Variants in KRT23 observed in about 807,000 individuals in gnomAD.
The protein encoded by KRT23 is keratin 23.
A neutral mutation model predicts 47.6 loss-of-function variants in KRT23; 38 were observed. That is an observed-to-expected ratio of 0.80 (90% CI 0.62 to 1.05). KRT23 has a LOEUF of 1.05. Ranked by LOEUF, KRT23 falls within the 50% of genes least tolerant of loss-of-function variation. The pLI is 0.00. For missense variants in KRT23, 503 were observed against 529.5 expected, an observed-to-expected ratio of 0.95 and a Z score of 0.49; for synonymous variants, 191 against 199.0, an observed-to-expected ratio of 0.96 and a Z score of 0.34.
At chr17:40,934,133 G>T (rs1216353097) in intron 2 of KRT23, among the ~76,000 whole-genome samples, 1 of 152,134 alleles carries the variant, frequency 6.6e-6, no homozygotes, top group East Asian at 1.9e-4. Flanking sequence ...TAAAGTGAGG[G>T]TACGGGAGAA....
At chr17:40,932,354 C>T (rs1219856832) in intron 2 of KRT23, among the ~76,000 whole-genome samples, 1 of 152,100 alleles carries the variant, frequency 6.6e-6, no homozygotes, top group Admixed American at 6.5e-5. Context: ...GATTTGTAAA[C>T]ACTTGTAGGT....
intron 4 of KRT23, among the ~76,000 whole-genome samples, chr17:40,929,310 G>A (rs1909475723): frequency 6.6e-6 from 1 of 152,214 alleles, no homozygotes; most frequent in Non-Finnish European, 1.5e-5. Flanking sequence ...TGACACTGTA[G>A]GGCTGACGCC....
chr17:40,930,171 A>C, intron 3 of KRT23, 75 bp from the exon 4 acceptor site: 1 of 1,380,368 alleles, frequency 7.2e-7, no homozygotes, highest in Non-Finnish European at 1.0e-6. Flanking sequence ...ATTTTCATTT[A>C]GAGGTGAATC....
intron 7 of KRT23, chr17:40,925,069 G>A (rs1299180028): frequency 2.5e-6 from 1 of 405,892 alleles, no homozygotes; most frequent in Admixed American, 4.1e-5. Flanking sequence ...CCAAAATTGT[G>A]TGCATTCCTA....
chr17:40,934,945 T>C (rs960486338), intron 2 of KRT23, among the ~76,000 whole-genome samples: 2 of 152,340 alleles, frequency 1.3e-5, no homozygotes, highest in Middle Eastern at 3.4e-3. Flanking sequence ...TTTTTAAATC[T>C]CTTCCGCGAG....
chr17:40,923,915 T>G (rs1026099652), intron 8 of KRT23, among the ~76,000 whole-genome samples: 1 of 152,250 alleles, frequency 6.6e-6, no homozygotes. Flanking sequence ...TGTTTCCAGG[T>G]CAAAGATGTT....
chr17:40,929,654 T>A, intron 4 of KRT23: 1 of 341,140 alleles, frequency 2.9e-6, no homozygotes, highest in Non-Finnish European at 5.3e-6. Flanking sequence ...CATTGATTCT[T>A]ATAGTAACAT....
At chr17:40,929,050 A>AAC (rs1909448523) in intron 4 of KRT23, among the ~76,000 whole-genome samples, 1 of 149,250 alleles carries the variant, frequency 6.7e-6, no homozygotes, top group South Asian at 2.1e-4. Flanking sequence ...AAAAAAAAAA[A>AAC]GAATATCATA....
chr17:40,928,564 A>G lies in KRT23; in HGVS notation c.680T>C (p.Val227Ala). The G allele has an allele frequency of 6.2e-7, 1 of 1,613,904 alleles. No individual in the cohort carries two copies. Among genetic ancestry groups the G allele is most frequent in the South Asian group, 1.1e-5 (1 of 91,072 alleles). The change falls in exon 5 of 9, where the codon GTG becomes GCG. Residue 227 changes from valine (V) to alanine (A), a missense_variant. Transcript: ENST00000209718. ...HHVPSDFNVN[V>A]KVDTGPREDL... ...TTCCCTGGGACCTGTATCCACCTTCACATTGACATTGAAGTCACTTGGCAC... is the reference window on the plus strand; with the variant it reads ...TTCCCTGGGACCTGTATCCACCTTCGCATTGACATTGAAGTCACTTGGCAC...
chr17:40,922,796 A>G lies in KRT23; in HGVS notation c.*193T>C, dbSNP rs1347541213. On this transcript the variant is annotated 3_prime_UTR_variant, in exon 9 of 9. Coordinates refer to ENST00000209718, the MANE Select transcript of KRT23 (RefSeq NM_015515.5). ...TAGAGCTTTACCCTCATAAACTCGC[A>G]CTTTGATTAGAAAAGTGCAATATAT... is the stretch of plus-strand genomic sequence containing the variant. 2.0e-6 allele frequency: 1 copy of G among 494,340 alleles called. No individual in the cohort carries two copies. The highest frequency in any genetic ancestry group is 3.4e-5 in the East Asian group (1 of 29,220). The allele number at this position is 494,340 out of a possible 1,614,324, so 30.6% of individuals were successfully genotyped here.
Position 40,923,106 on chromosome 17 carries a change from T to C in KRT23, c.1175-23A>G, listed in dbSNP as rs768393479. ...ACACTGAGAAAAAGAGCATGGAAGA[T>C]GTCACTGCCATGCTTCTTCCACCAT... On this transcript the variant is annotated intron_variant, in intron 8 of 8. Transcript: ENST00000209718. 10 of 1,506,282 alleles carry C rather than the reference T, an allele frequency of 6.6e-6. No homozygotes were observed. The Admixed American group carries it at 1.7e-4, about 25-fold the overall frequency. The allele number at this position is 1,506,282 out of a possible 1,614,324, so 93.3% of individuals were successfully genotyped here. A position where few individuals can be genotyped will look rare whatever the true frequency, so the allele number is the denominator to read the frequency against.
Position 40,934,979 on chromosome 17 carries a change from T to C in KRT23, c.396+1229A>G, listed in dbSNP as rs1304027464. Among the ~76,000 whole-genome samples, 6 of 152,302 alleles carry C rather than the reference T, an allele frequency of 3.9e-5. No homozygotes were observed. In the East Asian group the frequency reaches 1.2e-3, roughly 29 times the overall value. On this transcript the variant is annotated intron_variant, in intron 2 of 8. Coordinates refer to ENST00000209718, the MANE Select transcript of KRT23 (RefSeq NM_015515.5). ...AGCTCATAAATTATTTGACTGGTTC[T>C]AACCTTGTATTTCTTTTGGGAGTCA...
At chr17:40,923,250 A>T (rs1013077512) in intron 8 of KRT23, among the ~76,000 whole-genome samples, 167 bp from the exon 9 acceptor site, 7 of 152,190 alleles carry the variant, frequency 4.6e-5, no homozygotes, top group Admixed American at 4.6e-4. Flanking sequence ...TTCCCAAAGG[A>T]GGGATTTTCT....
intron 2 of KRT23, 28 bp from the exon 3 acceptor site, chr17:40,931,483 G>A (rs1455969744): frequency 6.4e-7 from 1 of 1,560,664 alleles, no homozygotes; most frequent in South Asian, 1.1e-5. Context: ...AAGCACAAAA[G>A]GTTATCTCAC....
rs888781786 is a variant in KRT23, at chr17:40,936,909, G to T, written c.-306C>A. The T allele has an allele frequency of 2.6e-5, 9 of 345,606 alleles. No individual in the cohort carries two copies. Among genetic ancestry groups the T allele is most frequent in the Non-Finnish European group, 4.1e-5 (8 of 192,952 alleles). 21.4% of individuals were successfully genotyped at this position (345,606 alleles called of 1,614,324 possible). ...GACATCAGGCGGGTATTGGGCTCAG[G>T]TATCTTTCTAATCTTGCCGTGAAGT... On this transcript the variant is annotated 5_prime_UTR_variant, in exon 2 of 9. Transcript: ENST00000209718.
In KRT23 at chr17:40,936,469, C is replaced by A; in HGVS notation, c.135G>T (p.Leu45=). The part of the protein sequence containing the change: ...HGGAGGARIS[L]SFTTRSCPPP... The stretch of plus-strand genomic sequence containing the variant: ...GTGGGCAGCTCCGCGTGGTGAAGGA[C>A]AGGGAGATGCGGGCTCCCCCCGCAC... Residue 45 remains leucine (L), a synonymous_variant, in exon 2 of 9, where the codon CTG becomes CTT. Coordinates refer to ENST00000209718, the MANE Select transcript of KRT23 (RefSeq NM_015515.5). 6.3e-7 allele frequency: 1 copy of A among 1,585,230 alleles called. No homozygotes were observed. Among genetic ancestry groups the A allele is most frequent in the Non-Finnish European group, 8.6e-7 (1 of 1,164,594 alleles).
At chr17:40,930,470 T>C (rs1476698442) in intron 3 of KRT23, among the ~76,000 whole-genome samples, 2 of 152,112 alleles carry the variant, frequency 1.3e-5, no homozygotes, top group Admixed American at 6.6e-5. Flanking sequence ...GAAAAATATA[T>C]TTTAAAATAA....
intron 2 of KRT23, among the ~76,000 whole-genome samples, chr17:40,935,988 T>C (rs967790138): frequency 6.6e-6 from 1 of 152,238 alleles, no homozygotes; most frequent in East Asian, 1.9e-4. Context: ...GCCTTCTTTT[T>C]CTACATTATC....
intron 6 of KRT23, among the ~76,000 whole-genome samples, chr17:40,926,819 G>A (rs2143446868): frequency 1.3e-5 from 2 of 152,206 alleles, no homozygotes; most frequent in South Asian, 2.1e-4. Flanking sequence ...CTCCAAGGTA[G>A]CCTACAAAGC....
Sources: gnomAD v4.1 joint callset for allele counts (sites outside exome capture counted in the v4.1 genomes callset) on GRCh38, gnomAD v4.1.1 for gene constraint, MANE v1.5 for transcripts, NCBI Gene and HGNC (gene_info 2026-07-23, HGNC 2026-07-21) for gene names.